Variants in TP63 observed in about 807,000 individuals in gnomAD.
TP63 encodes the protein tumor protein 63.
Under a neutral mutation model 82.8 loss-of-function variants are expected in TP63, and 17 were observed. The observed-to-expected ratio is 0.21, with a 90% confidence interval of 0.14 to 0.31. The LOEUF (loss-of-function observed/expected upper bound fraction) is 0.31. TP63 is among the 10% of genes least tolerant of loss of function. The pLI is 1.00. For missense variants in TP63, 648 were observed against 895.3 expected, an observed-to-expected ratio of 0.72 and a Z score of 3.52; for synonymous variants, 330 against 321.7, an observed-to-expected ratio of 1.03 and a Z score of -0.28.
At chr3:189,828,085 A>T (rs1215836489) in intron 4 of TP63, among the ~76,000 whole-genome samples, 2 of 152,116 alleles carry the variant, frequency 1.3e-5, no homozygotes, top group Admixed American at 1.3e-4. Flanking sequence ...TACTAAAAAT[A>T]CAAAAATTAG....
rs1347343226 is a variant in TP63 at position 189,896,156 on chromosome 3, C to T, written c.*1654C>T. The T allele has an allele frequency of 9.1e-6, 2 of 220,912 alleles. No individual in the cohort carries two copies. The highest frequency in any genetic ancestry group is 4.5e-5 in the African/African-American group (2 of 44,614). 13.7% of individuals were successfully genotyped at this position (220,912 alleles called of 1,614,324 possible). On this transcript the variant is annotated 3_prime_UTR_variant, in exon 14 of 14. Coordinates refer to ENST00000264731, the MANE Select transcript of TP63 (RefSeq NM_003722.5). ...CCCATGCATTCTGGTCAAGGGCTGT[C>T]ATTGCACATAAGCTTCCATTTTAAT...
chr3:189,757,955 A>T (rs1293097688), intron 3 of TP63, among the ~76,000 whole-genome samples: 2 of 152,188 alleles, frequency 1.3e-5, no homozygotes, highest in Non-Finnish European at 2.9e-5. Flanking sequence ...CATGTGTACT[A>T]AGGGGCAAAA....
chr3:189,886,352 A>G (rs1427348492), intron 10 of TP63, 42 bp from the exon 11 acceptor site: 13 of 1,602,828 alleles, frequency 8.1e-6, no homozygotes, highest in Non-Finnish European at 1.1e-5. Context: ...CCCACTCTTC[A>G]GTGTCCCTTG....
intron 3 of TP63, among the ~76,000 whole-genome samples, chr3:189,798,470 T>G (rs1254700056): frequency 6.6e-6 from 1 of 152,112 alleles, no homozygotes; most frequent in Non-Finnish European, 1.5e-5. Context: ...TTCACATAAT[T>G]GATTACTCAC....
chr3:189,612,862 G>A, the TP63 span, among the ~76,000 whole-genome samples: 1 of 152,170 alleles, frequency 6.6e-6, no homozygotes, highest in African/African-American at 2.4e-5. Context: ...TTTTGCCCTT[G>A]CCCTAGACAT....
intron 5 of TP63, among the ~76,000 whole-genome samples, chr3:189,865,369 C>T (rs1052072075): frequency 6.6e-6 from 1 of 152,190 alleles, no homozygotes; most frequent in Non-Finnish European, 1.5e-5. Flanking sequence ...TCATATTCTA[C>T]ATCTCAGATC....
intron 1 of TP63, among the ~76,000 whole-genome samples, chr3:189,700,731 A>G (rs537354873): frequency 1.6e-3 from 247 of 152,282 alleles, no homozygotes; most frequent in African/African-American, 5.8e-3. Context: ...AGCAGCTGGT[A>G]CATAGAGAAT....
intron 11 of TP63, among the ~76,000 whole-genome samples, chr3:189,888,059 T>C (rs1033497706): frequency 2.0e-5 from 3 of 152,098 alleles, no homozygotes; most frequent in African/African-American, 7.2e-5. Context: ...GTTTTCACCA[T>C]GTTGGCCAGA....
At chr3:189,700,707 GA>G (rs1485932580) in intron 1 of TP63, among the ~76,000 whole-genome samples, 2 of 152,102 alleles carry the variant, frequency 1.3e-5, no homozygotes. Flanking sequence ...TCTTAATTGC[GA>G]TGTGCTCCAA....
Position 189,852,908 on chromosome 3 carries a change from T to C in TP63, c.580-11324T>C, listed in dbSNP as rs192893108. Among the ~76,000 whole-genome samples the C allele has an allele frequency of 3.3e-5, 5 of 152,310 alleles. No individual in the cohort carries two copies. The East Asian group carries it at 9.6e-4, about 29-fold the overall frequency. On this transcript the variant is annotated intron_variant, in intron 4 of 13. Transcript: ENST00000264731. ...GTTAACATCCCCTTGCTTTTACTGA[T>C]GATATTCTGTCTTCATGGAAAGCCT...
intron 3 of TP63, among the ~76,000 whole-genome samples, chr3:189,745,597 C>T (rs558920698): frequency 5.6e-4 from 84 of 149,846 alleles, no homozygotes; most frequent in Middle Eastern, 3.5e-3. Context: ...ATCCCAGCTA[C>T]TCGGGAGGCT....
At chr3:189,863,526 A>T (rs1042226952) in intron 4 of TP63, among the ~76,000 whole-genome samples, 1 of 152,152 alleles carries the variant, frequency 6.6e-6, no homozygotes, top group African/African-American at 2.4e-5. Flanking sequence ...GTGAGTGAGA[A>T]GATCTGCATC....
chr3:189,617,813 A>G, the TP63 span, among the ~76,000 whole-genome samples: 17,607 of 152,206 alleles, frequency 0.12, 1,126 homozygotes, highest in East Asian at 0.22. Flanking sequence ...GCTGCCAAGT[A>G]TGTCATTTCC....
intron 4 of TP63, among the ~76,000 whole-genome samples, chr3:189,845,004 C>T (rs1256040766): frequency 6.6e-6 from 1 of 152,162 alleles, no homozygotes; most frequent in Non-Finnish European, 1.5e-5. Flanking sequence ...TCATCACCCT[C>T]TTACCCTTAT....
chr3:189,860,709 G>T (rs988203509), intron 4 of TP63, among the ~76,000 whole-genome samples: 2 of 152,158 alleles, frequency 1.3e-5, no homozygotes, highest in Non-Finnish European at 2.9e-5. Flanking sequence ...AATATGGTTT[G>T]CAGTACAGAT....
chr3:189,768,845 GCA>G (rs1275906555), intron 3 of TP63, among the ~76,000 whole-genome samples: 1 of 152,110 alleles, frequency 6.6e-6, no homozygotes, highest in African/African-American at 2.4e-5. Flanking sequence ...CAGCAAAAAA[GCA>G]CAGAGTTAAA....
chr3:189,777,063 T>C (rs1723858138), intron 3 of TP63, among the ~76,000 whole-genome samples: 1 of 152,206 alleles, frequency 6.6e-6, no homozygotes, highest in Non-Finnish European at 1.5e-5. Flanking sequence ...ATATTTCTCA[T>C]ATTTACTTCA....
At chr3:189,887,518 G>T (rs115968163) in intron 11 of TP63, among the ~76,000 whole-genome samples, 1,796 of 152,214 alleles carry the variant, frequency 0.012, 33 homozygotes, top group African/African-American at 0.042. Context: ...CCTCCAAGTG[G>T]ATGATGACTG....
At chr3:189,813,712 A>C (rs1050417573) in intron 4 of TP63, among the ~76,000 whole-genome samples, 3 of 152,030 alleles carry the variant, frequency 2.0e-5, no homozygotes, top group Non-Finnish European at 4.4e-5. Flanking sequence ...ATTGACCTCA[A>C]GGTCTTGTAT....
Sources: gnomAD v4.1 joint callset for allele counts (sites outside exome capture counted in the v4.1 genomes callset) on GRCh38, gnomAD v4.1.1 for gene constraint, MANE v1.5 for transcripts, NCBI Gene and HGNC (gene_info 2026-07-23, HGNC 2026-07-21) for gene names.